Variants in TMEM196 observed in about 807,000 individuals in gnomAD.
TMEM196 encodes transmembrane protein 196.
TMEM196 carries 17 observed loss-of-function variants against 20.0 expected under a neutral mutation model. The ratio of observed to expected loss-of-function variants is 0.85; its 90% confidence interval spans 0.58 to 1.27. The LOEUF (loss-of-function observed/expected upper bound fraction) is 1.27. Ranked by LOEUF, TMEM196 falls within the 50% of genes most tolerant of loss-of-function variation. The pLI, the probability that TMEM196 is intolerant of heterozygous loss-of-function variation, is 0.00. For missense variants in TMEM196, 267 were observed against 223.0 expected, an observed-to-expected ratio of 1.20 and a Z score of -1.26; for synonymous variants, 113 against 88.9, an observed-to-expected ratio of 1.27 and a Z score of -1.52.
intron 3 of TMEM196, among the ~76,000 whole-genome samples, chr7:19,725,313 A>G (rs1783954437): frequency 6.6e-6 from 1 of 152,224 alleles, no homozygotes; most frequent in African/African-American, 2.4e-5. Context: ...GAATAGACAG[A>G]CTACAAAATG....
At chr7:19,765,556 T>G (rs948401938) in intron 1 of TMEM196, among the ~76,000 whole-genome samples, 1 of 152,176 alleles carries the variant, frequency 6.6e-6, no homozygotes, top group Non-Finnish European at 1.5e-5. Context: ...ATTTACATAG[T>G]TCTAAATGTT....
chr7:19,729,099 A>G (rs1784101118), intron 2 of TMEM196, among the ~76,000 whole-genome samples: 1 of 152,162 alleles, frequency 6.6e-6, no homozygotes, highest in Non-Finnish European at 1.5e-5. Context: ...CCAGATTGGA[A>G]AACTAGAGAC....
At chr7:19,722,249 G>T in intron 4 of TMEM196, 115 bp from the exon 5 acceptor site, 1 of 843,396 alleles carries the variant, frequency 1.2e-6, no homozygotes. Context: ...CTAAGTTTTG[G>T]GGAAAGACAA....
intron 1 of TMEM196, among the ~76,000 whole-genome samples, chr7:19,745,191 A>C (rs1031758798): frequency 4.6e-5 from 7 of 152,108 alleles, no homozygotes; most frequent in African/African-American, 1.7e-4. Context: ...TTGTTATACT[A>C]TATTGTTTTT....
intron 1 of TMEM196, among the ~76,000 whole-genome samples, chr7:19,739,957 T>TTA (rs936448111): frequency 2.6e-5 from 4 of 151,440 alleles, no homozygotes; most frequent in African/African-American, 7.3e-5. Context: ...CAGGTGTGTT[T>TTA]TGTGTGTGTG....
intron 1 of TMEM196, among the ~76,000 whole-genome samples, chr7:19,747,993 T>C (rs996514025): frequency 2.0e-5 from 3 of 152,144 alleles, no homozygotes; most frequent in Non-Finnish European, 2.9e-5. Flanking sequence ...GATCGTTACC[T>C]CTAACTGGGA....
At position 19,773,040 on chromosome 7, in the gene TMEM196, C is replaced by G. The variant is rs1785956927; in HGVS notation, c.-344G>C. 1 of 193,480 alleles carries G rather than the reference C, an allele frequency of 5.2e-6. No individual in the cohort carries two copies. The highest frequency in any genetic ancestry group is 1.0e-5 in the Non-Finnish European group (1 of 95,550). 12.0% of individuals were successfully genotyped at this position (193,480 alleles called of 1,614,324 possible). On this transcript the variant is annotated 5_prime_UTR_variant, in exon 1 of 5. Transcript: ENST00000405844. ...AGCTCCGAGCCTTGCTCCCCAGGCG[C>G]TGTCCAGAGTTCTGCCGCGTCCCAA...
At chr7:19,753,760 G>C (rs908178820) in intron 1 of TMEM196, among the ~76,000 whole-genome samples, 12 of 152,240 alleles carry the variant, frequency 7.9e-5, no homozygotes, top group African/African-American at 2.9e-4. Flanking sequence ...GTTCCTCATA[G>C]TTGGACCAAG....
chr7:19,759,567 A>C (rs957156691), intron 1 of TMEM196, among the ~76,000 whole-genome samples: 2 of 152,018 alleles, frequency 1.3e-5, no homozygotes, highest in Non-Finnish European at 2.9e-5. Context: ...TATTGATCTC[A>C]CAAGCATCTC....
Position 19,725,751 on chromosome 7 carries a change from G to C in TMEM196, c.222C>G (p.Ala74=), listed in dbSNP as rs368060931. 3 of 1,602,600 alleles carry C rather than the reference G, an allele frequency of 1.9e-6. No individual in the cohort carries two copies. Among genetic ancestry groups the C allele is most frequent in the Middle Eastern group, 1.7e-4 (1 of 5,990 alleles). Residue 74 remains alanine, a synonymous_variant, in exon 3 of 5, where the codon GCC becomes GCG. Transcript: ENST00000405844. ...CCCCAATAAGTCCACAGATACAGCA[G>C]GCTGAAAAGAGGATCATCTGATAAG... ...KSGLVMILFS[A]CCICGLIGGI...
At chr7:19,746,022 C>T (rs1405192376) in intron 1 of TMEM196, among the ~76,000 whole-genome samples, 6 of 152,020 alleles carry the variant, frequency 3.9e-5, no homozygotes, top group Non-Finnish European at 8.8e-5. Context: ...ACATTTTGTG[C>T]TGCAGGACAT....
At position 19,721,214 on chromosome 7, in the gene TMEM196, T is replaced by C. The variant is rs1484522557; in HGVS notation, c.*914A>G. The stretch of plus-strand genomic sequence containing the variant: ...GTGGGCATAGAAGGGCCTTGAGCAA[T>C]TGCCTTCCCATTTCTATTGGAGTAG... On this transcript the variant is annotated 3_prime_UTR_variant, in exon 5 of 5. Coordinates refer to ENST00000405844, the MANE Select transcript of TMEM196 (RefSeq NM_001363562.2). 6.6e-6 allele frequency: 1 copy of C among 151,900 alleles called. No individual in the cohort carries two copies. Among genetic ancestry groups the C allele is most frequent in the Non-Finnish European group, 1.5e-5 (1 of 67,818 alleles). 9.4% of individuals were successfully genotyped at this position (151,900 alleles called of 1,614,324 possible).
rs551476597 is a variant in TMEM196 at position 19,720,488 on chromosome 7, T to G, written c.*1640A>C. 4 of 152,030 alleles carry G rather than the reference T, an allele frequency of 2.6e-5. No individual in the cohort carries two copies. Among genetic ancestry groups the G allele is most frequent in the Non-Finnish European group, 5.9e-5 (4 of 67,826 alleles). The allele number at this position is 152,030 out of a possible 1,614,324, so 9.4% of individuals were successfully genotyped here. ...TACCTATGGTTCAACAAGTAACTCATAAAAAATGACTTGAAAATTGATTAG... is the reference window on the plus strand; with the variant it reads ...TACCTATGGTTCAACAAGTAACTCAGAAAAAATGACTTGAAAATTGATTAG... On this transcript the variant is annotated 3_prime_UTR_variant, in exon 5 of 5. Transcript: ENST00000405844.
At chr7:19,725,298 T>A (rs1411695740) in intron 3 of TMEM196, among the ~76,000 whole-genome samples, 1 of 152,194 alleles carries the variant, frequency 6.6e-6, no homozygotes, top group Non-Finnish European at 1.5e-5. Context: ...AAGCACTGTG[T>A]TTTTGAATAG....
chr7:19,740,150 C>T (rs1784536564), intron 1 of TMEM196, among the ~76,000 whole-genome samples: 1 of 152,138 alleles, frequency 6.6e-6, no homozygotes, highest in Non-Finnish European at 1.5e-5. Context: ...AATTTAAAGG[C>T]ATTCTTTGCA....
chr7:19,727,720 T>C (rs1034590001), intron 2 of TMEM196, among the ~76,000 whole-genome samples: 2 of 152,152 alleles, frequency 1.3e-5, no homozygotes, highest in East Asian at 3.8e-4. Context: ...AAGCAGACAA[T>C]ACCTTTAGTT....
intron 4 of TMEM196, among the ~76,000 whole-genome samples, chr7:19,724,054 A>T (rs1783901627): frequency 1.3e-5 from 2 of 152,188 alleles, no homozygotes; most frequent in South Asian, 4.1e-4. Flanking sequence ...GGATGCTTAT[A>T]GGCGGGCTGA....
chr7:19,753,865 C>T (rs139208439), intron 1 of TMEM196, among the ~76,000 whole-genome samples: 5 of 152,296 alleles, frequency 3.3e-5, no homozygotes, highest in East Asian at 1.9e-4. Flanking sequence ...CTTGCCTCCA[C>T]GAGTTTGGAA....
At chr7:19,753,974 C>T (rs1183028989) in intron 1 of TMEM196, among the ~76,000 whole-genome samples, 1 of 152,210 alleles carries the variant, frequency 6.6e-6, no homozygotes, top group Non-Finnish European at 1.5e-5. Context: ...CCCTCTTCAC[C>T]TTCCTTGTGC....
Sources: gnomAD v4.1 joint callset for allele counts (sites outside exome capture counted in the v4.1 genomes callset) on GRCh38, gnomAD v4.1.1 for gene constraint, MANE v1.5 for transcripts, NCBI Gene and HGNC (gene_info 2026-07-23, HGNC 2026-07-21) for gene names.